Variants in CADM2 observed in about 807,000 individuals in gnomAD.
CADM2 encodes cell adhesion molecule 2.
Under a neutral mutation model 49.8 loss-of-function variants are expected in CADM2, and 12 were observed. The ratio of observed to expected loss-of-function variants is 0.24; its 90% CI spans 0.15 to 0.39. The LOEUF (loss-of-function observed/expected upper bound fraction) is 0.39. Ranked by LOEUF, CADM2 falls within the 10% of genes least tolerant of loss-of-function variation. The pLI is 1.00. For missense variants in CADM2, 378 were observed against 492.3 expected (o/e 0.77, Z 2.20); for synonymous variants, 214 against 175.4 (o/e 1.22, Z -1.74).
chr3:85,802,085 G>T lies in CADM2; in HGVS notation c.127G>T (p.Val43Phe). The change falls in exon 3 of 10, where the codon GTT becomes TTT. Residue 43 changes from valine to phenylalanine, a missense_variant. Physicochemically the swap from Val to Phe is conservative, Grantham distance 50 (BLOSUM62 -1). Coordinates refer to ENST00000383699, the MANE Select transcript of CADM2 (RefSeq NM_001167675.2). The stretch of plus-strand genomic sequence containing the variant: ...GTTTCCACTAACACAGAATGTAACC[G>T]TTGTTGAAGGTGGAACTGCAATTTT... ...GQFPLTQNVT[V>F]VEGGTAILTC... The T allele has an allele frequency of 6.2e-7, 1 of 1,612,530 alleles. No homozygotes were observed. The highest frequency in any genetic ancestry group is 8.5e-7 in the Non-Finnish European group (1 of 1,179,114).
At chr3:85,572,714 A>T (rs1011340318) in intron 1 of CADM2, among the ~76,000 whole-genome samples, 2 of 152,184 alleles carry the variant, frequency 1.3e-5, no homozygotes, top group African/African-American at 2.4e-5. Context: ...GGCCAGCAGG[A>T]CTGAAGTTGT....
intron 5 of CADM2, among the ~76,000 whole-genome samples, chr3:85,901,800 CAACT>C (rs1011662961): frequency 6.6e-6 from 1 of 152,124 alleles, no homozygotes; most frequent in African/African-American, 2.4e-5. Context: ...GACTTTCCCC[CAACT>C]GTCTCCACCC....
At chr3:85,342,700 G>T (rs528209898) in intron 1 of CADM2, among the ~76,000 whole-genome samples, 5 of 152,124 alleles carry the variant, frequency 3.3e-5, no homozygotes, top group African/African-American at 1.2e-4. Flanking sequence ...CTCTTTTTCA[G>T]AAGAGTTATC....
At position 85,565,473 on chromosome 3, in the gene CADM2, T is replaced by C. The variant is rs1373876299; in HGVS notation, c.62-161049T>C. Among the ~76,000 whole-genome samples the C allele has an allele frequency of 2.0e-5, 3 of 152,218 alleles. No homozygotes were observed. In the South Asian group the frequency reaches 6.2e-4, roughly 31 times the overall value. ...GGATACTTCTAAGATTTATAAACTA[T>C]GGCAAATATTAATAAAACCATCTTT... On this transcript the variant is annotated intron_variant, in intron 1 of 9. Transcript: ENST00000383699.
Position 85,845,929 on chromosome 3 carries a change from C to T in CADM2, c.239-37362C>T, listed in dbSNP as rs566652815. On this transcript the variant is annotated intron_variant, in intron 3 of 9. Coordinates refer to ENST00000383699, the MANE Select transcript of CADM2 (RefSeq NM_001167675.2). Reference sequence around the variant, plus strand: ...TCCTGGTATTGGGCTACACTGGTGGCCTTGGGTTCATAGTAAACTCTTAAT... The same window carrying T: ...TCCTGGTATTGGGCTACACTGGTGGTCTTGGGTTCATAGTAAACTCTTAAT... Among the ~76,000 whole-genome samples, 6 of 152,100 alleles carry T rather than the reference C, an allele frequency of 3.9e-5. No homozygotes were observed. In the East Asian group the frequency reaches 1.2e-3, roughly 30 times the overall value.
At chr3:85,890,465 A>G (rs928446203) in intron 5 of CADM2, among the ~76,000 whole-genome samples, 3 of 152,156 alleles carry the variant, frequency 2.0e-5, no homozygotes, top group African/African-American at 4.8e-5. Flanking sequence ...ACCTGTGAAG[A>G]AAAGCTGGTA....
At chr3:85,467,419 C>A (rs1055504108) in intron 1 of CADM2, among the ~76,000 whole-genome samples, 2 of 152,042 alleles carry the variant, frequency 1.3e-5, no homozygotes, top group Non-Finnish European at 2.9e-5. Context: ...TGGAACACCT[C>A]AAATATTGGA....
chr3:85,382,746 T>A (rs2033974703), intron 1 of CADM2, among the ~76,000 whole-genome samples: 1 of 152,282 alleles, frequency 6.6e-6, no homozygotes, highest in South Asian at 2.1e-4. Context: ...TATATACTAG[T>A]TACTCAGCTA....
At chr3:85,220,291 A>C (rs2107790335) in intron 1 of CADM2, among the ~76,000 whole-genome samples, 1 of 152,244 alleles carries the variant, frequency 6.6e-6, no homozygotes, top group South Asian at 2.1e-4. Context: ...TGATGGTGAT[A>C]TTCATGATGT....
intron 2 of CADM2, among the ~76,000 whole-genome samples, chr3:85,749,248 A>G (rs1436106745): frequency 6.6e-6 from 1 of 151,742 alleles, no homozygotes; most frequent in Non-Finnish European, 1.5e-5. Context: ...TTTGTTACTA[A>G]TTACTAATTA....
intron 1 of CADM2, among the ~76,000 whole-genome samples, chr3:85,696,213 G>A (rs1041462795): frequency 6.6e-6 from 1 of 152,006 alleles, no homozygotes; most frequent in African/African-American, 2.4e-5. Flanking sequence ...CAATCCACTT[G>A]TTATCTGTTT....
intron 8 of CADM2, among the ~76,000 whole-genome samples, chr3:86,018,564 G>C (rs1029020224): frequency 6.6e-6 from 1 of 152,112 alleles, no homozygotes; most frequent in African/African-American, 2.4e-5. Context: ...TTTAATGATT[G>C]CCATTCTAAC....
chr3:85,107,119 G>A (rs952258524), intron 1 of CADM2, among the ~76,000 whole-genome samples: 11 of 151,878 alleles, frequency 7.2e-5, no homozygotes, highest in African/African-American at 2.4e-4. Flanking sequence ...ACAAAGGTAT[G>A]GCATCAACTA....
intron 1 of CADM2, among the ~76,000 whole-genome samples, chr3:85,480,526 G>A (rs2039168845): frequency 6.6e-6 from 1 of 151,828 alleles, no homozygotes; most frequent in South Asian, 2.1e-4. Context: ...GGGTTGTTGA[G>A]ATGATTAAAT....
intron 1 of CADM2, among the ~76,000 whole-genome samples, chr3:85,526,535 T>C (rs1460485934): frequency 6.6e-6 from 1 of 152,214 alleles, no homozygotes; most frequent in African/African-American, 2.4e-5. Flanking sequence ...TTGTGTCAGA[T>C]GACCTGGATT....
At chr3:85,148,894 G>C (rs1025869892) in intron 1 of CADM2, among the ~76,000 whole-genome samples, 1 of 152,026 alleles carries the variant, frequency 6.6e-6, no homozygotes, top group African/African-American at 2.4e-5. Flanking sequence ...AAGAGGAGGG[G>C]TTGGTCTTGC....
At chr3:85,341,643 G>A (rs1437161906) in intron 1 of CADM2, among the ~76,000 whole-genome samples, 2 of 151,802 alleles carry the variant, frequency 1.3e-5, no homozygotes, top group East Asian at 3.9e-4. Flanking sequence ...CCATGGCACA[G>A]GTATACCTAT....
At chr3:85,742,608 G>T (rs2068442656) in intron 2 of CADM2, among the ~76,000 whole-genome samples, 1 of 152,080 alleles carries the variant, frequency 6.6e-6, no homozygotes. Flanking sequence ...TAAAAAAATT[G>T]GAGAAATCAT....
chr3:85,984,649 G>A (rs955804283), intron 8 of CADM2, among the ~76,000 whole-genome samples: 2 of 151,882 alleles, frequency 1.3e-5, no homozygotes, highest in Non-Finnish European at 2.9e-5. Flanking sequence ...ATGGAAAGAT[G>A]TAAACCAGTA....
Sources: gnomAD v4.1 joint callset for allele counts (sites outside exome capture counted in the v4.1 genomes callset) on GRCh38, gnomAD v4.1.1 for gene constraint, MANE v1.5 for transcripts, NCBI Gene and HGNC (gene_info 2026-07-23, HGNC 2026-07-21) for gene names.